Variants in SPOCK1 observed in about 807,000 individuals in gnomAD.
SPOCK1 encodes testican-1.
Under a neutral mutation model 55.3 loss-of-function variants are expected in SPOCK1, and 23 were observed. The observed-to-expected ratio is 0.42, with a 90% CI of 0.30 to 0.59. The LOEUF (loss-of-function observed/expected upper bound fraction) is 0.59. SPOCK1 is among the 20% of genes least tolerant of loss of function. The pLI, the probability that SPOCK1 is intolerant of heterozygous loss-of-function variation, is 0.22. For missense variants in SPOCK1, 499 were observed against 552.5 expected, an observed-to-expected ratio of 0.90 and a Z score of 0.97; for synonymous variants, 226 against 221.0, an observed-to-expected ratio of 1.02 and a Z score of -0.20.
At position 136,985,121 on chromosome 5, in the gene SPOCK1, G is replaced by A. The variant is rs761783623; in HGVS notation, c.991+19C>T. ...GGCTTAATTAGTTGTTTAAATGAGT[G>A]GCAAGAAATTGTACTTACCCAACAG... On this transcript the variant is annotated intron_variant, in intron 9 of 10. Coordinates refer to ENST00000394945, the MANE Select transcript of SPOCK1 (RefSeq NM_004598.4). 2 of 1,612,802 alleles carry A rather than the reference G, an allele frequency of 1.2e-6. No individual in the cohort carries two copies. The highest frequency in any genetic ancestry group is 1.7e-6 in the Non-Finnish European group (2 of 1,178,766).
intron 2 of SPOCK1, among the ~76,000 whole-genome samples, chr5:137,288,793 T>A (rs1757313358): frequency 6.6e-6 from 1 of 152,350 alleles, no homozygotes; most frequent in East Asian, 1.9e-4. Flanking sequence ...CCATCTGGAA[T>A]GATGTTTTAG....
At chr5:137,296,221 C>T (rs1212698405) in intron 2 of SPOCK1, among the ~76,000 whole-genome samples, 3 of 152,176 alleles carry the variant, frequency 2.0e-5, no homozygotes, top group Non-Finnish European at 2.9e-5. Flanking sequence ...CTGTTGTTTA[C>T]AAGCCACCCA....
chr5:137,111,538 T>C (rs1011295192), intron 5 of SPOCK1, among the ~76,000 whole-genome samples: 2 of 152,142 alleles, frequency 1.3e-5, no homozygotes, highest in African/African-American at 4.8e-5. Flanking sequence ...CAGGGGATGG[T>C]TGTCGGATAT....
At position 137,041,114 on chromosome 5, in the gene SPOCK1, T is replaced by C. The variant is rs982224035; in HGVS notation, c.589+26601A>G. Among the ~76,000 whole-genome samples, 31 of 152,192 alleles carry C rather than the reference T, an allele frequency of 2.0e-4. 1 individual carries two copies. The highest frequency in any genetic ancestry group is 7.5e-4 in the African/African-American group (31 of 41,446). On this transcript the variant is annotated intron_variant, in intron 6 of 10. Coordinates refer to ENST00000394945, the MANE Select transcript of SPOCK1 (RefSeq NM_004598.4). ...TAGATTTCACGACTTACTATAAGGT[T>C]ACAATAATAAAGGCAGCATGGTTGT...
chr5:137,432,406 C>T (rs6869959), intron 2 of SPOCK1, among the ~76,000 whole-genome samples: 152,190 of 152,356 alleles, frequency 1, 76,012 homozygotes, highest in Middle Eastern at 1. Flanking sequence ...TATAATACAA[C>T]GAAATATTAT....
chr5:137,270,021 A>G (rs1014382742), intron 2 of SPOCK1, among the ~76,000 whole-genome samples: 3 of 152,226 alleles, frequency 2.0e-5, no homozygotes, highest in African/African-American at 7.2e-5. Flanking sequence ...CAATAATTCT[A>G]TCACTTCTAC....
intron 5 of SPOCK1, among the ~76,000 whole-genome samples, chr5:137,096,295 CAAAAAAGAAAAAA>C (rs1753145800): frequency 7.5e-6 from 1 of 132,990 alleles, no homozygotes; most frequent in Admixed American, 7.7e-5. Context: ...CTTCCCAAGA[CAAAAAAGAAAAAA>C]AAAAAAGAAC....
chr5:137,465,629 A>T (rs1479045943), intron 2 of SPOCK1, among the ~76,000 whole-genome samples: 3 of 152,140 alleles, frequency 2.0e-5, no homozygotes, highest in Non-Finnish European at 4.4e-5. Flanking sequence ...GACACATTTC[A>T]TATCCAACAC....
chr5:137,148,552 G>A (rs1482886679), intron 3 of SPOCK1, among the ~76,000 whole-genome samples: 2 of 152,144 alleles, frequency 1.3e-5, no homozygotes, highest in Non-Finnish European at 2.9e-5. Context: ...AAAGTGTGAT[G>A]GGAGTGGAAA....
intron 6 of SPOCK1, among the ~76,000 whole-genome samples, chr5:137,004,005 C>A (rs1327366131): frequency 6.6e-6 from 1 of 152,056 alleles, no homozygotes; most frequent in Non-Finnish European, 1.5e-5. Context: ...CTTTTAATTC[C>A]CCCCACTACT....
chr5:137,053,389 T>G (rs1752242936), intron 6 of SPOCK1, among the ~76,000 whole-genome samples: 1 of 152,084 alleles, frequency 6.6e-6, no homozygotes, highest in Admixed American at 6.5e-5. Context: ...CCTCCTCCCC[T>G]AGATACCAAG....
At chr5:137,255,942 C>T (rs1489982789) in intron 3 of SPOCK1, among the ~76,000 whole-genome samples, 1 of 152,202 alleles carries the variant, frequency 6.6e-6, no homozygotes, top group African/African-American at 2.4e-5. Context: ...AGAAGATGAG[C>T]AGTGCAGGGC....
chr5:137,374,528 C>T (rs758979625), intron 2 of SPOCK1, among the ~76,000 whole-genome samples: 2 of 152,166 alleles, frequency 1.3e-5, no homozygotes, highest in Non-Finnish European at 2.9e-5. Context: ...CACTCCAACA[C>T]GCTGTGGCAT....
chr5:137,329,922 T>C (rs927568589), intron 2 of SPOCK1, among the ~76,000 whole-genome samples: 1 of 152,140 alleles, frequency 6.6e-6, no homozygotes, highest in African/African-American at 2.4e-5. Flanking sequence ...AGTTCCTGTC[T>C]CTCATTTACA....
At chr5:137,247,102 C>T (rs1756410130) in intron 3 of SPOCK1, among the ~76,000 whole-genome samples, 1 of 152,170 alleles carries the variant, frequency 6.6e-6, no homozygotes, top group African/African-American at 2.4e-5. Context: ...AGACATCAAC[C>T]AGGGTAAAGA....
At chr5:137,331,052 C>G (rs1220599718) in intron 2 of SPOCK1, among the ~76,000 whole-genome samples, 1 of 152,128 alleles carries the variant, frequency 6.6e-6, no homozygotes, top group Non-Finnish European at 1.5e-5. Context: ...AATTCCTAGC[C>G]TAACTGAACT....
At chr5:137,453,577 C>T (rs1033336734) in intron 2 of SPOCK1, among the ~76,000 whole-genome samples, 5 of 152,118 alleles carry the variant, frequency 3.3e-5, no homozygotes, top group Non-Finnish European at 5.9e-5. Context: ...AGCCCAGCCA[C>T]GGGAATCTAG....
chr5:137,005,443 T>C (rs1372327299), intron 6 of SPOCK1, among the ~76,000 whole-genome samples: 1 of 152,052 alleles, frequency 6.6e-6, no homozygotes, highest in Non-Finnish European at 1.5e-5. Flanking sequence ...ACAGAACACT[T>C]AGCAGAAAGA....
chr5:137,083,763 T>C (rs1752913931), intron 5 of SPOCK1, among the ~76,000 whole-genome samples: 1 of 152,090 alleles, frequency 6.6e-6, no homozygotes, highest in Non-Finnish European at 1.5e-5. Flanking sequence ...TCGCCCCCAA[T>C]ACCCAGCCTA....
Sources: gnomAD v4.1 joint callset for allele counts (sites outside exome capture counted in the v4.1 genomes callset) on GRCh38, gnomAD v4.1.1 for gene constraint, MANE v1.5 for transcripts, NCBI Gene and HGNC (gene_info 2026-07-23, HGNC 2026-07-21) for gene names.